LEF1: variants seen among roughly 807,000 people sequenced by gnomAD.
LEF1 encodes lymphoid enhancer-binding factor 1.
A neutral mutation model predicts 51.2 loss-of-function variants in LEF1; 14 were observed. That is an observed-to-expected ratio of 0.27 (90% CI 0.18 to 0.43). The LOEUF is 0.43. Ranked by LOEUF, LEF1 falls within the 20% of genes least tolerant of loss-of-function variation. The pLI is 1.00. For missense variants in LEF1, 386 were observed against 512.0 expected, an observed-to-expected ratio of 0.75 and a Z score of 2.37; for synonymous variants, 185 against 183.2, an observed-to-expected ratio of 1.01 and a Z score of -0.08.
rs200623416 is a variant in LEF1 at position 108,052,960 on chromosome 4, T to A, written c.*7-4209A>T. Among the ~76,000 whole-genome samples, 21 of 152,306 alleles carry A rather than the reference T, an allele frequency of 1.4e-4. No homozygotes were observed. In the East Asian group the frequency reaches 3.3e-3, roughly 24 times the overall value. On this transcript the variant is annotated intron_variant, in intron 11 of 11. Transcript: ENST00000265165. ...GACACTGAGGCTACCTGAAGTTCAG[T>A]AACTTGCCAAAGGTCACCCAACTAA...
chr4:108,141,301 A>G (rs1318144063), intron 3 of LEF1, among the ~76,000 whole-genome samples: 1 of 152,188 alleles, frequency 6.6e-6, no homozygotes, highest in Non-Finnish European at 1.5e-5. Context: ...ATATGGTTAC[A>G]TATGCAAACA....
chr4:108,075,374 C>A (rs1414685824), intron 8 of LEF1: 1 of 152,160 alleles, frequency 6.6e-6, no homozygotes, highest in Non-Finnish European at 1.5e-5. Context: ...TCAGAACAGA[C>A]CTGGTAAAAT....
chr4:108,149,620 CAT>C (rs921627010), intron 3 of LEF1, among the ~76,000 whole-genome samples: 17 of 141,354 alleles, frequency 1.2e-4, no homozygotes, highest in African/African-American at 4.5e-4. Context: ...CATATATATA[CAT>C]GTGTATATAT....
chr4:108,071,599 T>C (rs537600442), intron 8 of LEF1: 37 of 152,368 alleles, frequency 2.4e-4, no homozygotes, highest in African/African-American at 8.2e-4. Context: ...GAAAGGTATC[T>C]GGGATTTTAA....
intron 3 of LEF1, among the ~76,000 whole-genome samples, chr4:108,099,600 A>ATGTGTG (rs1560789341): frequency 7.6e-6 from 1 of 130,932 alleles, no homozygotes; most frequent in African/African-American, 2.8e-5. Flanking sequence ...ATATATATAT[A>ATGTGTG]TATATATATA....
intron 3 of LEF1, among the ~76,000 whole-genome samples, chr4:108,104,103 G>C (rs553714408): frequency 6.6e-6 from 1 of 152,226 alleles, no homozygotes; most frequent in South Asian, 2.1e-4. Context: ...ACATTCAATG[G>C]ATGAACTCTG....
intron 4 of LEF1, among the ~76,000 whole-genome samples, chr4:108,086,944 G>C (rs758192132): frequency 3.9e-5 from 6 of 152,090 alleles, no homozygotes; most frequent in Non-Finnish European, 8.8e-5. Flanking sequence ...TATATTTATG[G>C]AATAGTTCTA....
chr4:108,109,256 G>T (rs1274139769), intron 3 of LEF1, among the ~76,000 whole-genome samples: 1 of 152,092 alleles, frequency 6.6e-6, no homozygotes, highest in African/African-American at 2.4e-5. Context: ...GCACTTCCTC[G>T]GCGCTCAATT....
Position 108,048,295 on chromosome 4 carries a change from C to A in LEF1, c.*463G>T, listed in dbSNP as rs909923750. On this transcript the variant is annotated 3_prime_UTR_variant, in exon 12 of 12. Transcript: ENST00000265165. ...AACAAAGAGGGAACTCTTCCATGAA[C>A]TCCTCCACTGGGGTGCTGATGGATG... The A allele has an allele frequency of 6.0e-6, 1 of 166,404 alleles. No homozygotes were observed. 10.3% of individuals were successfully genotyped at this position (166,404 alleles called of 1,614,324 possible).
intron 11 of LEF1, among the ~76,000 whole-genome samples, chr4:108,057,963 TC>T (rs1737416119): frequency 6.6e-6 from 1 of 151,408 alleles, no homozygotes; most frequent in South Asian, 2.1e-4. Flanking sequence ...AACCTGCGCC[TC>T]CCAGGTTCAA....
intron 3 of LEF1, among the ~76,000 whole-genome samples, chr4:108,137,635 T>G (rs893543485): frequency 3.3e-5 from 5 of 152,178 alleles, no homozygotes; most frequent in Admixed American, 3.3e-4. Flanking sequence ...TCTGGTACTA[T>G]TCAGAAGACT....
At chr4:108,150,567 A>G (rs1254420705) in intron 3 of LEF1, among the ~76,000 whole-genome samples, 1 of 152,218 alleles carries the variant, frequency 6.6e-6, no homozygotes, top group Non-Finnish European at 1.5e-5. Flanking sequence ...ATAAAAGTAT[A>G]ACAGATACCT....
At chr4:108,062,491 G>A (rs1463764301) in intron 11 of LEF1, among the ~76,000 whole-genome samples, 4 of 152,176 alleles carry the variant, frequency 2.6e-5, no homozygotes, top group Non-Finnish European at 5.9e-5. Context: ...GGGAGGCAGA[G>A]AGCAAGAGTG....
chr4:108,115,235 C>T lies in LEF1; in HGVS notation c.415-25978G>A, dbSNP rs559502841. ...TCCAAATAGATCAGAGATCAATAGA[C>T]ACAACTGAATGAATATGAGGGCAAG... is the stretch of plus-strand genomic sequence containing the variant. On this transcript the variant is annotated intron_variant, in intron 3 of 11. Coordinates refer to ENST00000265165, the MANE Select transcript of LEF1 (RefSeq NM_016269.5). Among the ~76,000 whole-genome samples, 10 of 152,176 alleles carry T rather than the reference C, an allele frequency of 6.6e-5. 1 individual carries two copies. In the South Asian group the frequency reaches 2.1e-3, roughly 32 times the overall value.
intron 11 of LEF1, among the ~76,000 whole-genome samples, chr4:108,053,020 G>A (rs931067288): frequency 2.0e-5 from 3 of 152,100 alleles, no homozygotes; most frequent in Non-Finnish European, 4.4e-5. Flanking sequence ...CTCTCAACAT[G>A]TGTTCTCTCC....
intron 3 of LEF1, among the ~76,000 whole-genome samples, chr4:108,149,452 C>A (rs1236534353): frequency 3.4e-5 from 1 of 29,842 alleles, no homozygotes. Context: ...GAGCGAGACT[C>A]CGTCTCAAAA....
At chr4:108,098,798 TACA>T (rs1356063019) in intron 3 of LEF1, among the ~76,000 whole-genome samples, 2 of 152,174 alleles carry the variant, frequency 1.3e-5, no homozygotes, top group Admixed American at 1.3e-4. Context: ...ATGGGGAAAA[TACA>T]ACAAGTTACT....
chr4:108,133,042 C>T (rs892428936), intron 3 of LEF1, among the ~76,000 whole-genome samples: 2 of 151,960 alleles, frequency 1.3e-5, no homozygotes, highest in African/African-American at 2.4e-5. Context: ...GGTGCAGTCT[C>T]GGCTCACTGC....
chr4:108,058,931 A>G (rs945878198), intron 11 of LEF1, among the ~76,000 whole-genome samples: 1 of 152,188 alleles, frequency 6.6e-6, no homozygotes, highest in African/African-American at 2.4e-5. Flanking sequence ...TTATCCCCTG[A>G]GGCCCTGGGC....
Sources: gnomAD v4.1 joint callset for allele counts (sites outside exome capture counted in the v4.1 genomes callset) on GRCh38, gnomAD v4.1.1 for gene constraint, MANE v1.5 for transcripts, NCBI Gene and HGNC (gene_info 2026-07-23, HGNC 2026-07-21) for gene names.